The following ATP2C1 variants were observed in gnomAD, a reference collection of about 807,000 sequenced individuals.
ATP2C1 encodes the protein ATPase secretory pathway Ca2+ transporting 1.
A neutral mutation model predicts 120.5 loss-of-function variants in ATP2C1; 31 were observed. The observed-to-expected ratio is 0.26, with a 90% CI of 0.19 to 0.35. ATP2C1 has a LOEUF of 0.35. ATP2C1 is among the 10% of genes least tolerant of loss of function. The pLI, the probability that ATP2C1 is intolerant of heterozygous loss-of-function variation, is 1.00. For synonymous variants in ATP2C1, 351 were observed against 358.7 expected (o/e 0.98, Z 0.24); for missense variants, 731 against 1,107.5 (o/e 0.66, Z 4.83).
At chr3:130,851,018 T>C (rs1375691074) in intron 1 of ATP2C1, 1 of 704,390 alleles carries the variant, frequency 1.4e-6, no homozygotes, top group Non-Finnish European at 2.1e-6. Flanking sequence ...TGTGCTGGTT[T>C]ACATGTTTAT....
intron 1 of ATP2C1, among the ~76,000 whole-genome samples, chr3:130,867,102 A>G (rs1036289466): frequency 1.8e-4 from 28 of 152,148 alleles, no homozygotes; most frequent in African/African-American, 6.5e-4. Context: ...CAGAAAACTT[A>G]ATGGATAAAT....
At chr3:130,897,511 G>A (rs1363691088) in intron 2 of ATP2C1, among the ~76,000 whole-genome samples, 1 of 152,198 alleles carries the variant, frequency 6.6e-6, no homozygotes, top group East Asian at 1.9e-4. Flanking sequence ...CTGTTCCCTA[G>A]TAAGAGTATC....
intron 21 of ATP2C1, 122 bp from the exon 22 acceptor site, chr3:130,993,810 G>A (rs2062469025): frequency 3.1e-6 from 3 of 978,850 alleles, no homozygotes; most frequent in East Asian, 5.2e-5. Flanking sequence ...ACAATGGGTG[G>A]TCTATATTAT....
intron 5 of ATP2C1, among the ~76,000 whole-genome samples, 178 bp from the exon 6 acceptor site, chr3:130,937,250 G>A (rs1430617112): frequency 6.6e-6 from 1 of 152,214 alleles, no homozygotes; most frequent in Non-Finnish European, 1.5e-5. Context: ...GCAAGCCACT[G>A]TAAACTGTTA....
At chr3:131,016,020 A>T in intron 26 of ATP2C1, 1 of 1,212,266 alleles carries the variant, frequency 8.2e-7, no homozygotes, top group Non-Finnish European at 1.2e-6. Flanking sequence ...CAATTACATT[A>T]AGATTAGTTT....
intron 1 of ATP2C1, among the ~76,000 whole-genome samples, chr3:130,860,619 C>T (rs879581570): frequency 2.6e-5 from 4 of 152,218 alleles, no homozygotes; most frequent in Admixed American, 6.5e-5. Flanking sequence ...AAGTAACTTG[C>T]TACATAGCTC....
chr3:130,893,944 A>T, upstream of ATP2C1: 15 of 985,706 alleles, frequency 1.5e-5, no homozygotes, highest in Non-Finnish European at 1.7e-5. Context: ...CCAGCCCGTG[A>T]ACACGAATGC....
chr3:130,883,513 T>G (rs1233268426), intron 1 of ATP2C1, among the ~76,000 whole-genome samples: 1 of 151,408 alleles, frequency 6.6e-6, no homozygotes, highest in Non-Finnish European at 1.5e-5. Flanking sequence ...TAGGCTGGAG[T>G]GCAGCCTAGC....
chr3:130,919,729 A>G (rs2058865985), intron 2 of ATP2C1, among the ~76,000 whole-genome samples: 2 of 152,166 alleles, frequency 1.3e-5, no homozygotes, highest in Admixed American at 1.3e-4. Context: ...CTTCTGGAAT[A>G]TATGGTAGTT....
At chr3:130,874,543 C>T (rs972080593) in intron 1 of ATP2C1, among the ~76,000 whole-genome samples, 1 of 152,102 alleles carries the variant, frequency 6.6e-6, no homozygotes, top group African/African-American at 2.4e-5. Flanking sequence ...AAATTTTTTC[C>T]TCTCATTTAA....
chr3:130,916,762 ATTTTTC>A (rs1164671833), intron 2 of ATP2C1, among the ~76,000 whole-genome samples: 2 of 151,624 alleles, frequency 1.3e-5, no homozygotes, highest in African/African-American at 2.4e-5. Flanking sequence ...CGACAGCTCA[ATTTTTC>A]TTTTTCTTTT....
intron 11 of ATP2C1, 59 bp downstream of exon 11, chr3:130,956,238 G>C (rs1576873360): frequency 9.4e-7 from 1 of 1,061,028 alleles, no homozygotes; most frequent in East Asian, 2.4e-5. Flanking sequence ...TGAATGTGAA[G>C]GGTGGTGGTA....
intron 6 of ATP2C1, 84 bp downstream of exon 6, chr3:130,937,547 TG>T (rs1307481867): frequency 3.5e-6 from 4 of 1,147,358 alleles, no homozygotes; most frequent in East Asian, 2.3e-5. Context: ...CTACCGTTAT[TG>T]GGGGGTTGTA....
chr3:130,934,028 T>A (rs886542387), intron 4 of ATP2C1, among the ~76,000 whole-genome samples: 1 of 152,212 alleles, frequency 6.6e-6, no homozygotes, highest in Non-Finnish European at 1.5e-5. Context: ...TTGACTCTGG[T>A]GTGAGGTCAT....
intron 20 of ATP2C1, among the ~76,000 whole-genome samples, chr3:130,982,346 G>T (rs75815672): frequency 0.027 from 4,099 of 152,266 alleles, 191 homozygotes; most frequent in African/African-American, 0.093. Flanking sequence ...TAGGAAGGAG[G>T]TATCTCCTGC....
At chr3:130,975,556 C>T in intron 18 of ATP2C1, 68 bp downstream of exon 18, 1 of 1,511,694 alleles carries the variant, frequency 6.6e-7, no homozygotes, top group Non-Finnish European at 9.1e-7. Flanking sequence ...CAGATGAATT[C>T]ATGCTTCACA....
At position 130,935,436 on chromosome 3, in the gene ATP2C1, C is replaced by A. The variant is rs1413243814; in HGVS notation, c.324+725C>A. ...ATTCTAGCTTTCATTGAACTGTTTTCTCATCTTTTTCCTTCTTGCTCCATT... is the reference window on the plus strand; with the variant it reads ...ATTCTAGCTTTCATTGAACTGTTTTATCATCTTTTTCCTTCTTGCTCCATT... On this transcript the variant is annotated intron_variant, in intron 5 of 27. Transcript: ENST00000510168. 3.3e-5 allele frequency among the ~76,000 whole-genome samples: 5 copies of A among 152,094 alleles called. 1 individual carries two copies. Among genetic ancestry groups the A allele is most frequent in the Admixed American group, 3.3e-4 (5 of 15,274 alleles).
chr3:130,872,868 C>A (rs767083470), intron 1 of ATP2C1, among the ~76,000 whole-genome samples: 13 of 152,118 alleles, frequency 8.5e-5, no homozygotes, highest in Non-Finnish European at 1.3e-4. Flanking sequence ...CAGGTGTGAG[C>A]CACTGCGCCC....
chr3:130,975,580 A>C (rs1362427389), intron 18 of ATP2C1, 92 bp downstream of exon 18: 4 of 1,399,568 alleles, frequency 2.9e-6, no homozygotes, highest in African/African-American at 1.4e-5. Flanking sequence ...GAGCTGTCCA[A>C]CTCACTTCCA....
Sources: allele counts gnomAD v4.1 joint callset (sites outside exome capture counted in the v4.1 genomes callset), GRCh38; gene constraint gnomAD v4.1.1; transcripts MANE v1.5; gene names NCBI Gene and HGNC (gene_info 2026-07-23, HGNC 2026-07-21).